Variants in KHDRBS2 observed in about 807,000 individuals in gnomAD.
KHDRBS2 encodes KH domain-containing, RNA-binding, signal transduction-associated protein 2.
In KHDRBS2, 26 loss-of-function variants were observed where a neutral mutation model predicts 44.3. The ratio of observed to expected loss-of-function variants is 0.59; its 90% CI spans 0.43 to 0.81. KHDRBS2 has a LOEUF of 0.81. Ranked by LOEUF, KHDRBS2 falls within the 40% of genes least tolerant of loss-of-function variation. The pLI, the probability that KHDRBS2 is intolerant of heterozygous loss-of-function variation, is 0.00. For missense variants in KHDRBS2, 476 were observed against 433.1 expected, an observed-to-expected ratio of 1.10 and a Z score of -0.88; for synonymous variants, 194 against 151.1, an observed-to-expected ratio of 1.28 and a Z score of -2.08.
At chr6:61,823,153 A>C (rs1790245339) in intron 6 of KHDRBS2, among the ~76,000 whole-genome samples, 1 of 151,988 alleles carries the variant, frequency 6.6e-6, no homozygotes, top group Admixed American at 6.6e-5. Context: ...ACTCAGTTGC[A>C]AAGGGGCCAT....
At chr6:61,600,439 C>A in the KHDRBS2 span, among the ~76,000 whole-genome samples, 2 of 152,108 alleles carry the variant, frequency 1.3e-5, no homozygotes, top group Admixed American at 6.6e-5. Flanking sequence ...TTGTGAACCC[C>A]GCCCCTGCCA....
At chr6:62,256,151 C>A (rs1186169767) in intron 1 of KHDRBS2, among the ~76,000 whole-genome samples, 6 of 151,540 alleles carry the variant, frequency 4.0e-5, no homozygotes, top group African/African-American at 1.5e-4. Context: ...AAAAAAAAAC[C>A]CTCAAAACAA....
At chr6:62,230,913 G>T (rs900951384) in intron 1 of KHDRBS2, among the ~76,000 whole-genome samples, 2 of 152,222 alleles carry the variant, frequency 1.3e-5, no homozygotes, top group South Asian at 2.1e-4. Context: ...AATTCAAAAT[G>T]CTATCCTAGG....
intron 6 of KHDRBS2, among the ~76,000 whole-genome samples, chr6:61,749,160 C>T (rs1777296611): frequency 6.6e-6 from 1 of 151,476 alleles, no homozygotes; most frequent in African/African-American, 2.4e-5. Flanking sequence ...CTACAGGCGC[C>T]CGCCACCATG....
chr6:62,089,216 C>A (rs897875299), intron 2 of KHDRBS2, among the ~76,000 whole-genome samples: 45 of 149,594 alleles, frequency 3.0e-4, no homozygotes, highest in Non-Finnish European at 3.0e-4. Flanking sequence ...AGTCCCCTTT[C>A]CAGGGGAGTG....
At chr6:61,554,493 T>A in the KHDRBS2 span, among the ~76,000 whole-genome samples, 1 of 152,194 alleles carries the variant, frequency 6.6e-6, no homozygotes, top group Non-Finnish European at 1.5e-5. Context: ...TTTTAAGGGA[T>A]ATTTAGCCCA....
At chr6:61,755,906 T>C (rs1383072827) in intron 6 of KHDRBS2, among the ~76,000 whole-genome samples, 1 of 152,174 alleles carries the variant, frequency 6.6e-6, no homozygotes, top group African/African-American at 2.4e-5. Context: ...TAGGTGGAGT[T>C]AGAGTCCACC....
intron 6 of KHDRBS2, among the ~76,000 whole-genome samples, chr6:61,783,461 C>A (rs917637711): frequency 6.6e-6 from 1 of 152,002 alleles, no homozygotes; most frequent in African/African-American, 2.4e-5. Context: ...CTGCATCTAG[C>A]ATGTAGCAAG....
chr6:62,104,228 A>G (rs1490375624), intron 2 of KHDRBS2, among the ~76,000 whole-genome samples: 2 of 152,224 alleles, frequency 1.3e-5, no homozygotes, highest in Non-Finnish European at 2.9e-5. Context: ...CAGCATATAC[A>G]CATTCTCTCC....
intron 6 of KHDRBS2, among the ~76,000 whole-genome samples, chr6:61,750,809 A>G (rs996931288): frequency 6.6e-6 from 1 of 151,368 alleles, no homozygotes; most frequent in Non-Finnish European, 1.5e-5. Flanking sequence ...TCACGGGAGT[A>G]GTCAAATTTG....
intron 6 of KHDRBS2, among the ~76,000 whole-genome samples, chr6:61,883,305 A>G (rs1296671925): frequency 6.6e-6 from 1 of 152,034 alleles, no homozygotes; most frequent in African/African-American, 2.4e-5. Context: ...CAAATTGCAT[A>G]AAGATCACGG....
intron 2 of KHDRBS2, among the ~76,000 whole-genome samples, chr6:62,174,923 A>T (rs1820777938): frequency 6.6e-6 from 1 of 151,754 alleles, no homozygotes; most frequent in South Asian, 2.1e-4. Context: ...ACAGATCATA[A>T]ATGTACATCA....
At chr6:61,954,765 T>C (rs1330349912) in intron 4 of KHDRBS2, among the ~76,000 whole-genome samples, 2 of 112,298 alleles carry the variant, frequency 1.8e-5, no homozygotes, top group African/African-American at 3.1e-5. Context: ...CATATGTATG[T>C]ATACATACAT....
At chr6:61,654,657 T>A in the KHDRBS2 span, among the ~76,000 whole-genome samples, 1 of 151,038 alleles carries the variant, frequency 6.6e-6, no homozygotes, top group African/African-American at 2.4e-5. Flanking sequence ...GTTCACTTCT[T>A]GTCTCTTTCA....
intron 2 of KHDRBS2, among the ~76,000 whole-genome samples, chr6:62,080,112 A>G (rs1449088771): frequency 1.3e-5 from 2 of 152,100 alleles, no homozygotes; most frequent in African/African-American, 4.8e-5. Context: ...TGACTCTATA[A>G]ATAGATTCTC....
At chr6:62,223,276 A>C (rs1266285476) in intron 1 of KHDRBS2, among the ~76,000 whole-genome samples, 1 of 152,182 alleles carries the variant, frequency 6.6e-6, no homozygotes, top group African/African-American at 2.4e-5. Flanking sequence ...GCGCCTTCTG[A>C]AGCTATGGTG....
At chr6:62,036,954 C>T (rs1016513696) in intron 3 of KHDRBS2, among the ~76,000 whole-genome samples, 14 of 151,972 alleles carry the variant, frequency 9.2e-5, no homozygotes, top group Middle Eastern at 3.2e-3. Flanking sequence ...GAAACTAACA[C>T]AACCCCACAG....
chr6:61,572,668 A>G, the KHDRBS2 span, among the ~76,000 whole-genome samples: 2 of 152,234 alleles, frequency 1.3e-5, no homozygotes, highest in African/African-American at 4.8e-5. Context: ...GGTTTAACAT[A>G]TGCAAGTCAA....
chr6:61,972,965 GC>G (rs904933082), intron 4 of KHDRBS2, among the ~76,000 whole-genome samples: 6 of 152,072 alleles, frequency 3.9e-5, no homozygotes, highest in Admixed American at 1.3e-4. Context: ...AGCCCACATG[GC>G]AAAAGCCCAT....
Sources: gnomAD v4.1 joint callset for allele counts (sites outside exome capture counted in the v4.1 genomes callset) on GRCh38, gnomAD v4.1.1 for gene constraint, MANE v1.5 for transcripts, NCBI Gene and HGNC (gene_info 2026-07-23, HGNC 2026-07-21) for gene names.